RBFOX1: variants seen among roughly 807,000 people sequenced by gnomAD.
The protein encoded by RBFOX1 is RNA binding protein fox-1 homolog 1.
Under a neutral mutation model 57.7 loss-of-function variants are expected in RBFOX1, and 8 were observed. The ratio of observed to expected loss-of-function variants is 0.14; its 90% CI spans 0.08 to 0.25. RBFOX1 has a LOEUF of 0.25. Among genes scored for constraint, RBFOX1 ranks in the 10% least tolerant of loss-of-function variants. RBFOX1 has a pLI of 1.00. For missense variants in RBFOX1, 611 were observed against 548.5 expected (o/e 1.11, Z -1.14); for synonymous variants, 326 against 222.4 (o/e 1.47, Z -4.15).
At chr16:6,902,001 C>T (rs988115427) in intron 3 of RBFOX1, among the ~76,000 whole-genome samples, 2 of 152,056 alleles carry the variant, frequency 1.3e-5, no homozygotes, top group South Asian at 2.1e-4. Flanking sequence ...AGAACTTTGC[C>T]TGAATGAATT....
intron 3 of RBFOX1, among the ~76,000 whole-genome samples, chr16:6,827,849 G>T (rs1168957897): frequency 1.3e-5 from 2 of 152,318 alleles, no homozygotes; most frequent in East Asian, 1.9e-4. Flanking sequence ...AGGTCCTTCT[G>T]TTCCCCCTCT....
intron 1 of RBFOX1, among the ~76,000 whole-genome samples, chr16:6,116,009 T>G (rs1343442717): frequency 2.0e-5 from 3 of 152,140 alleles, no homozygotes; most frequent in African/African-American, 7.2e-5. Flanking sequence ...AGCAGAAACT[T>G]GGAACCAACC....
chr16:7,659,157 C>T (rs1048237376), intron 12 of RBFOX1, among the ~76,000 whole-genome samples: 1 of 152,178 alleles, frequency 6.6e-6, no homozygotes, highest in Admixed American at 6.5e-5. Flanking sequence ...GTAAACTTCC[C>T]AGAGTTACCT....
chr16:6,912,918 C>G (rs929463479), intron 3 of RBFOX1, among the ~76,000 whole-genome samples: 25 of 152,104 alleles, frequency 1.6e-4, no homozygotes, highest in African/African-American at 6.0e-4. Flanking sequence ...CCAAGCCCAG[C>G]CTAGAGCTCC....
At chr16:7,163,949 C>T (rs766393471) in intron 4 of RBFOX1, among the ~76,000 whole-genome samples, 7 of 152,194 alleles carry the variant, frequency 4.6e-5, no homozygotes, top group East Asian at 1.9e-4. Context: ...TGTGAGCCAC[C>T]GCACACAGCC....
chr16:6,019,789 G>A lies in RBFOX1; in HGVS notation c.-330G>A. Reference sequence around the variant, plus strand: ...CCAGTGGCCGCCAGGGTCCCCGCCTGTCCGGACCCTCGCCGCGCCCAGGCA... The same window carrying A: ...CCAGTGGCCGCCAGGGTCCCCGCCTATCCGGACCCTCGCCGCGCCCAGGCA... On this transcript the variant is annotated 5_prime_UTR_variant, in exon 1 of 16. Coordinates refer to ENST00000550418, the MANE Select transcript of RBFOX1 (RefSeq NM_018723.4). The surrounding 1 kb of genome is among the most constrained non-coding windows in gnomAD (Gnocchi z 4.2). 1.4e-6 allele frequency: 2 copies of A among 1,473,536 alleles called. No homozygotes were observed. The highest frequency in any genetic ancestry group is 1.3e-5 in the South Asian group (1 of 76,192). 91.3% of individuals were successfully genotyped at this position (1,473,536 alleles called of 1,614,324 possible).
At chr16:6,396,534 C>T (rs985765198) in intron 2 of RBFOX1, among the ~76,000 whole-genome samples, 2 of 152,036 alleles carry the variant, frequency 1.3e-5, no homozygotes, top group Non-Finnish European at 2.9e-5. Flanking sequence ...TAGGGGAGCC[C>T]GTGGGAAGCC....
chr16:7,409,144 T>G (rs2098395082), intron 4 of RBFOX1, among the ~76,000 whole-genome samples: 2 of 152,144 alleles, frequency 1.3e-5, no homozygotes, highest in African/African-American at 4.8e-5. Context: ...CGGCCTGTGA[T>G]CAGGTTCCGG....
At chr16:7,271,095 T>G (rs1487203667) in intron 4 of RBFOX1, among the ~76,000 whole-genome samples, 2 of 152,270 alleles carry the variant, frequency 1.3e-5, no homozygotes, top group East Asian at 1.9e-4. Context: ...TGAAATAGAG[T>G]GTATCACATT....
chr16:6,836,055 A>G (rs1034920895), intron 3 of RBFOX1, among the ~76,000 whole-genome samples: 1 of 152,206 alleles, frequency 6.6e-6, no homozygotes, highest in Admixed American at 6.5e-5. Flanking sequence ...CCTACTGTTC[A>G]ATAGCTAGCT....
At chr16:6,654,039 G>A (rs542993884) in intron 2 of RBFOX1, among the ~76,000 whole-genome samples, 2 of 151,408 alleles carry the variant, frequency 1.3e-5, no homozygotes, top group African/African-American at 4.9e-5. Flanking sequence ...TGAATGGATA[G>A]ATGGGTGGAT....
chr16:7,268,431 A>C (rs1301531911), intron 4 of RBFOX1, among the ~76,000 whole-genome samples: 4 of 152,158 alleles, frequency 2.6e-5, no homozygotes, highest in African/African-American at 4.8e-5. Context: ...GCTCTCTGGG[A>C]GAAGGAAGCA....
chr16:5,945,694 G>A (rs4786070), intron 4 of RBFOX1, among the ~76,000 whole-genome samples: 38,926 of 152,148 alleles, frequency 0.26, 5,645 homozygotes, highest in Middle Eastern at 0.49. Flanking sequence ...GCACAGCACA[G>A]CCCTTCCTCA....
At chr16:7,636,068 C>T (rs1428257366) in intron 11 of RBFOX1, among the ~76,000 whole-genome samples, 1 of 152,240 alleles carries the variant, frequency 6.6e-6, no homozygotes, top group Non-Finnish European at 1.5e-5. Context: ...CCTTGGCCGC[C>T]CACAGTGGTG....
At chr16:6,583,887 C>G (rs942871996) in intron 2 of RBFOX1, among the ~76,000 whole-genome samples, 9 of 151,886 alleles carry the variant, frequency 5.9e-5, no homozygotes, top group Admixed American at 2.0e-4. Flanking sequence ...ATGTTAAAGG[C>G]TAATCAGTTT....
At chr16:7,698,889 C>T (rs1260626050) in intron 14 of RBFOX1, among the ~76,000 whole-genome samples, 1 of 152,156 alleles carries the variant, frequency 6.6e-6, no homozygotes, top group Non-Finnish European at 1.5e-5. Context: ...TGTGTGCAAT[C>T]AATTTGTGAA....
At chr16:6,166,203 C>G (rs1014142206) in intron 1 of RBFOX1, among the ~76,000 whole-genome samples, 4 of 152,102 alleles carry the variant, frequency 2.6e-5, no homozygotes, top group Admixed American at 2.0e-4. Flanking sequence ...GACACCAGAC[C>G]TATTGCTAAA....
intron 3 of RBFOX1, among the ~76,000 whole-genome samples, chr16:7,010,530 A>G (rs552136844): frequency 6.9e-6 from 1 of 144,446 alleles, no homozygotes; most frequent in Non-Finnish European, 1.5e-5. Context: ...CACTGATCAC[A>G]TCTCCCCTTT....
intron 4 of RBFOX1, among the ~76,000 whole-genome samples, chr16:7,491,607 G>A (rs2067004392): frequency 6.6e-6 from 1 of 151,782 alleles, no homozygotes; most frequent in Non-Finnish European, 1.5e-5. Flanking sequence ...TATGTAATAG[G>A]AACATGCCTC....
Sources: allele counts gnomAD v4.1 joint callset (sites outside exome capture counted in the v4.1 genomes callset), GRCh38; gene constraint gnomAD v4.1.1; non-coding constraint Gnocchi (gnomAD v3.1); transcripts MANE v1.5; gene names NCBI Gene and HGNC (gene_info 2026-07-23, HGNC 2026-07-21).